PCDH7: variants seen among roughly 807,000 people sequenced by gnomAD.
PCDH7 encodes protocadherin 7, also known as protocadherin-7.
In PCDH7, 17 loss-of-function variants were observed where a neutral mutation model predicts 58.9. The ratio of observed to expected loss-of-function variants is 0.29; its 90% CI spans 0.20 to 0.43. The LOEUF (loss-of-function observed/expected upper bound fraction) is 0.43. Among genes scored for constraint, PCDH7 ranks in the 20% least tolerant of loss-of-function variants. The pLI, the probability that PCDH7 is intolerant of heterozygous loss-of-function variation, is 1.00. For missense variants in PCDH7, 1,274 were observed against 1,441.0 expected (o/e 0.88, Z 1.88); for synonymous variants, 664 against 616.4 (o/e 1.08, Z -1.14).
At chr4:30,997,140 A>T (rs1251539341) in intron 3 of PCDH7, among the ~76,000 whole-genome samples, 1 of 151,562 alleles carries the variant, frequency 6.6e-6, no homozygotes, top group African/African-American at 2.4e-5. Flanking sequence ...TTATTTCCAC[A>T]TAGGTGATCT....
intron 3 of PCDH7, among the ~76,000 whole-genome samples, chr4:31,046,778 GTTAC>G (rs1482484368): frequency 6.6e-6 from 1 of 151,908 alleles, no homozygotes; most frequent in Non-Finnish European, 1.5e-5. Flanking sequence ...TTGTGGAAAT[GTTAC>G]TTACATCCAT....
chr4:31,012,251 C>A (rs1753250192), intron 3 of PCDH7, among the ~76,000 whole-genome samples: 1 of 151,964 alleles, frequency 6.6e-6, no homozygotes, highest in African/African-American at 2.4e-5. Context: ...AACCAACAAA[C>A]AACAAAACAA....
chr4:30,755,281 G>A (rs1164426270), intron 1 of PCDH7, among the ~76,000 whole-genome samples: 1 of 152,210 alleles, frequency 6.6e-6, no homozygotes, highest in Non-Finnish European at 1.5e-5. Flanking sequence ...TTATGAATAA[G>A]TATGGTGCTC....
At chr4:30,827,280 T>A (rs1729218793) in intron 1 of PCDH7, among the ~76,000 whole-genome samples, 1 of 152,180 alleles carries the variant, frequency 6.6e-6, no homozygotes, top group South Asian at 2.1e-4. Flanking sequence ...TATTGCAATT[T>A]CCATTTGAAA....
chr4:30,778,280 T>C (rs1371283445), intron 1 of PCDH7, among the ~76,000 whole-genome samples: 1 of 152,150 alleles, frequency 6.6e-6, no homozygotes, highest in Non-Finnish European at 1.5e-5. Flanking sequence ...ACGCTGCACT[T>C]ATAATACAAA....
intron 1 of PCDH7, among the ~76,000 whole-genome samples, chr4:30,914,924 G>T (rs1742242189): frequency 6.6e-6 from 1 of 151,980 alleles, no homozygotes; most frequent in African/African-American, 2.4e-5. Flanking sequence ...TATTTTTTGT[G>T]TACTGTTTCT....
intron 2 of PCDH7, among the ~76,000 whole-genome samples, chr4:30,938,167 T>C (rs909271942): frequency 6.6e-6 from 1 of 152,098 alleles, no homozygotes; most frequent in Non-Finnish European, 1.5e-5. Flanking sequence ...TTTTAGCAGC[T>C]TGAGAAATAT....
intron 1 of PCDH7, among the ~76,000 whole-genome samples, chr4:30,814,859 T>G (rs993377302): frequency 6.6e-6 from 1 of 152,112 alleles, no homozygotes; most frequent in Non-Finnish European, 1.5e-5. Context: ...TCCCCATAAT[T>G]TTTATTAAAG....
At position 30,723,023 on chromosome 4, in the gene PCDH7, T is replaced by C; in HGVS notation, c.1601T>C (p.Met534Thr). Residue 534 changes from methionine to threonine, a missense_variant, in exon 1 of 2, where the codon ATG becomes ACG. Physicochemically the swap from Met to Thr is moderately conservative, Grantham distance 81. Transcript: ENST00000361762. The surrounding 1 kb of genome is among the most constrained non-coding windows in gnomAD (Gnocchi z 4.6). ...GGAGACACCAACGACAACCCGCCCA[T>C]GTTCGGCCAGTCGGTGGTGGAGGTT... The C allele has an allele frequency of 2.5e-6, 4 of 1,613,872 alleles. No homozygotes were observed. In the South Asian group the frequency reaches 3.3e-5, roughly 13 times the overall value.
intron 1 of PCDH7, among the ~76,000 whole-genome samples, chr4:30,889,912 T>A (rs1470893320): frequency 6.6e-6 from 1 of 152,196 alleles, no homozygotes; most frequent in Non-Finnish European, 1.5e-5. Flanking sequence ...AGACAGAAAT[T>A]GATCCTAATA....
intron 3 of PCDH7, among the ~76,000 whole-genome samples, chr4:31,029,100 G>A (rs960760671): frequency 6.6e-6 from 1 of 152,090 alleles, no homozygotes; most frequent in African/African-American, 2.4e-5. Context: ...ATTTTGAAAG[G>A]CCTTGTTAAT....
chr4:31,024,354 T>C (rs1454116069), intron 3 of PCDH7, among the ~76,000 whole-genome samples: 2 of 152,164 alleles, frequency 1.3e-5, no homozygotes, highest in East Asian at 1.9e-4. Context: ...AATAGGAGAA[T>C]TGAAAAAATT....
chr4:31,132,169 C>T (rs933710918), intron 3 of PCDH7, among the ~76,000 whole-genome samples: 14 of 152,096 alleles, frequency 9.2e-5, no homozygotes, highest in Non-Finnish European at 1.5e-4. Context: ...ATAAGAACTG[C>T]TTATTGCAGA....
At chr4:30,964,238 AT>A in intron 3 of PCDH7, among the ~76,000 whole-genome samples, 1 of 87,792 alleles carries the variant, frequency 1.1e-5, no homozygotes, top group African/African-American at 7.0e-5. Flanking sequence ...TTATTTATTT[AT>A]TTATTTATTT....
chr4:31,068,284 G>C lies in PCDH7; in HGVS notation c.*8-74189G>C, dbSNP rs183910778. Among the ~76,000 whole-genome samples the C allele has an allele frequency of 4.7e-5, 7 of 149,346 alleles. No homozygotes were observed. The South Asian group carries it at 6.4e-4, about 14-fold the overall frequency. On this transcript the variant is annotated intron_variant, in intron 3 of 3. Coordinates refer to the PCDH7 transcript ENST00000509759. ...CTCTGTATCTTCCTCTCAATTTTGCGGTGAACCTAAAACTGCTCTAAAAAA... is the reference window on the plus strand; with the variant it reads ...CTCTGTATCTTCCTCTCAATTTTGCCGTGAACCTAAAACTGCTCTAAAAAA...
chr4:30,722,031 C>A lies in PCDH7; in HGVS notation c.609C>A (p.Ser203Arg). 3.2e-6 allele frequency: 4 copies of A among 1,249,670 alleles called. No homozygotes were observed. The highest frequency in any genetic ancestry group is 4.0e-6 in the Non-Finnish European group (4 of 1,000,050). 77.4% of individuals were successfully genotyped at this position (1,249,670 alleles called of 1,614,324 possible). Residue 203 changes from serine to arginine, a missense_variant, in exon 1 of 2, where the codon AGC (serine) becomes AGA (arginine). Physicochemically the swap from Ser to Arg is moderately radical, Grantham distance 110. Around this residue, in one of 3 missense-constraint regions of PCDH7, gnomAD observed 331 missense variants for 303.2 expected, o/e 1.09. Transcript: ENST00000361762. This position sits in a 1 kb window ranked among gnomAD's most constrained non-coding sequence, Gnocchi z 7.6. ...GCCGGCGCGCCGGGGCGGCCGACAG[C>A]GCCCCCTACCCCGGGGGCGGCGGGA...
intron 3 of PCDH7, among the ~76,000 whole-genome samples, chr4:31,030,928 T>G (rs1754856666): frequency 6.6e-6 from 1 of 152,168 alleles, no homozygotes; most frequent in Non-Finnish European, 1.5e-5. Context: ...ATAAGAGGTG[T>G]AGGGCATTTT....
intron 1 of PCDH7, among the ~76,000 whole-genome samples, chr4:30,855,787 G>A (rs1023755372): frequency 2.0e-5 from 3 of 152,116 alleles, no homozygotes; most frequent in East Asian, 1.9e-4. Flanking sequence ...TATTATACAC[G>A]TATTCACCCT....
chr4:30,936,852 G>T (rs1010738894), intron 2 of PCDH7, among the ~76,000 whole-genome samples: 4 of 152,092 alleles, frequency 2.6e-5, no homozygotes, highest in Middle Eastern at 3.4e-3. Flanking sequence ...GCCAATTAAA[G>T]AAATATACCC....
Sources: allele counts gnomAD v4.1 joint callset (sites outside exome capture counted in the v4.1 genomes callset), GRCh38; gene constraint gnomAD v4.1.1; regional missense constraint gnomAD v4.1.1; non-coding constraint Gnocchi (gnomAD v3.1); transcripts MANE v1.5; gene names NCBI Gene and HGNC (gene_info 2026-07-23, HGNC 2026-07-21).